Variants in RPF2 observed in about 807,000 individuals in gnomAD.
RPF2 encodes ribosome production factor 2 homolog, also known as brix domain containing 1.
In RPF2, 21 loss-of-function variants were observed where a neutral mutation model predicts 38.9. The observed-to-expected ratio is 0.54, with a 90% CI of 0.38 to 0.78. The LOEUF (loss-of-function observed/expected upper bound fraction) is 0.78. Among genes scored for constraint, RPF2 ranks in the 30% least tolerant of loss-of-function variants. The pLI, the probability that RPF2 is intolerant of heterozygous loss-of-function variation, is 0.00. For synonymous variants in RPF2, 121 were observed against 126.2 expected (o/e 0.96, Z 0.28); for missense variants, 314 against 358.1 (o/e 0.88, Z 0.99).
chr6:111,016,797 G>A (rs1049276417), intron 8 of RPF2, among the ~76,000 whole-genome samples: 4 of 149,796 alleles, frequency 2.7e-5, no homozygotes, highest in African/African-American at 9.9e-5. Flanking sequence ...AGTGAACAAA[G>A]GTCTCTGGTT....
chr6:111,010,380 C>A (rs1171454238), intron 7 of RPF2, among the ~76,000 whole-genome samples: 6 of 152,304 alleles, frequency 3.9e-5, no homozygotes, highest in African/African-American at 1.4e-4. Flanking sequence ...CCTGCCTCAG[C>A]TTTCCAAAGT....
chr6:111,025,326 T>C (rs868437356), intron 9 of RPF2, 77 bp from the exon 10 acceptor site: 1 of 950,428 alleles, frequency 1.1e-6, no homozygotes, highest in Middle Eastern at 2.8e-4. Context: ...GCTACTAAGA[T>C]AGTTGTTACA....
intron 6 of RPF2, among the ~76,000 whole-genome samples, chr6:111,001,692 C>A (rs145898055): frequency 5.7e-4 from 87 of 152,310 alleles, no homozygotes; most frequent in African/African-American, 2.0e-3. Context: ...ATGCACGAAT[C>A]TCTGGAGATG....
chr6:110,994,740 C>T (rs202052477), intron 4 of RPF2, among the ~76,000 whole-genome samples: 16,279 of 113,126 alleles, frequency 0.14, 2,003 homozygotes, highest in East Asian at 0.7. Context: ...TATATACACA[C>T]ACACACACAC....
rs1772299765 is a variant in RPF2, at chr6:111,025,071, T to C, written c.742-332T>C. On this transcript the variant is annotated intron_variant, in intron 9 of 9. Coordinates refer to ENST00000441448, the MANE Select transcript of RPF2 (RefSeq NM_032194.3). ...AAACAATAGTCACAACTTCTTAAGC[T>C]AAACACAGGCTATTTTCTTGATGTG... Among the ~76,000 whole-genome samples the C allele has an allele frequency of 2.0e-5, 3 of 152,370 alleles. No homozygotes were observed. In the South Asian group the frequency reaches 6.2e-4, roughly 32 times the overall value.
At chr6:110,996,823 A>G (rs1369640272) in intron 4 of RPF2, among the ~76,000 whole-genome samples, 1 of 151,982 alleles carries the variant, frequency 6.6e-6, no homozygotes, top group Non-Finnish European at 1.5e-5. Flanking sequence ...TTTTTTTTAG[A>G]CAGAGTCTTA....
At position 111,008,099 on chromosome 6, in the gene RPF2, T is replaced by G. The variant is rs775671273; in HGVS notation, c.455T>G (p.Val152Gly). Residue 152 changes from valine to glycine, a missense_variant, in exon 7 of 10, where the codon GTA becomes GGA. Transcript: ENST00000441448. Reference sequence around the variant, plus strand: ...ATATTTGCTGGCGATGATTTCGATGTAACAGAAGATTATAGAAGACTAAAA... The same window carrying G: ...ATATTTGCTGGCGATGATTTCGATGGAACAGAAGATTATAGAAGACTAAAA... ...MLIFAGDDFD[V>G]TEDYRRLKSL... is the part of the protein sequence containing the mutation. 6 of 1,605,464 alleles carry G rather than the reference T, an allele frequency of 3.7e-6. No individual in the cohort carries two copies. The highest frequency in any genetic ancestry group is 3.4e-6 in the Non-Finnish European group (4 of 1,176,308).
intron 6 of RPF2, among the ~76,000 whole-genome samples, chr6:111,003,882 G>C (rs373280144): frequency 1.3e-5 from 2 of 151,914 alleles, no homozygotes; most frequent in Non-Finnish European, 2.9e-5. Context: ...GCGTGATCTC[G>C]GCTCACTGCA....
At position 111,026,443 on chromosome 6, in the gene RPF2, C is replaced by G. The variant is rs1422602709; in HGVS notation, c.*861C>G. ...ACTCAAATTCCTGGGCTCAAGTGAT[C>G]CTCCCACTTCACCTTCCTGAGCAGC... On this transcript the variant is annotated 3_prime_UTR_variant, in exon 10 of 10. Transcript: ENST00000441448. 2 of 152,260 alleles carry G rather than the reference C, an allele frequency of 1.3e-5. No homozygotes were observed. Among genetic ancestry groups the G allele is most frequent in the African/African-American group, 4.8e-5 (2 of 41,416 alleles). 9.4% of individuals were successfully genotyped at this position (152,260 alleles called of 1,614,324 possible).
intron 9 of RPF2, among the ~76,000 whole-genome samples, chr6:111,024,630 G>A (rs1278515262): frequency 1.3e-5 from 2 of 150,900 alleles, no homozygotes; most frequent in Non-Finnish European, 2.9e-5. Context: ...GGAGAATGGC[G>A]TGAACCGGGG....
In RPF2 at chr6:110,983,204, A is replaced by AG. The variant is rs1269246732; in HGVS notation, c.23+1076dup. Among the ~76,000 whole-genome samples, 8 of 152,350 alleles carry AG rather than the reference A, an allele frequency of 5.3e-5. No homozygotes were observed. In the East Asian group the frequency reaches 1.5e-3, roughly 29 times the overall value. On this transcript the variant is annotated intron_variant, in intron 1 of 9. Transcript: ENST00000441448. Reference sequence around the variant, plus strand: ...GCAAGGTGCTCATTGTAGAGGAAGCAGAGGTGAAGCCCCTCTTTTGAACAG... The same window carrying AG: ...GCAAGGTGCTCATTGTAGAGGAAGCAGGAGGTGAAGCCCCTCTTTTGAACAG...
At chr6:111,022,097 C>A (rs1470966549) in intron 8 of RPF2, among the ~76,000 whole-genome samples, 1 of 152,144 alleles carries the variant, frequency 6.6e-6, no homozygotes, top group Non-Finnish European at 1.5e-5. Flanking sequence ...GAAACAAAAT[C>A]GTTAGTAATG....
chr6:111,020,154 G>A (rs750362666), intron 8 of RPF2, among the ~76,000 whole-genome samples: 1 of 152,034 alleles, frequency 6.6e-6, no homozygotes, highest in African/African-American at 2.4e-5. Context: ...TCCTGACCTC[G>A]TGATCTACCT....
In RPF2 at chr6:111,006,267, C is replaced by T. The variant is rs540418182; in HGVS notation, c.394-1771C>T. Among the ~76,000 whole-genome samples, 139 of 151,952 alleles carry T rather than the reference C, an allele frequency of 9.1e-4. 1 individual carries two copies. Among genetic ancestry groups the T allele is most frequent in the Admixed American group, 2.5e-3 (38 of 15,222 alleles). On this transcript the variant is annotated intron_variant, in intron 6 of 9. Coordinates refer to ENST00000441448, the MANE Select transcript of RPF2 (RefSeq NM_032194.3). The stretch of plus-strand genomic sequence containing the variant: ...TTTTTTTTTTATTGAGATGGCATCT[C>T]GCTCTCACCCAAGCTAGAGTGCAGT...
intron 7 of RPF2, among the ~76,000 whole-genome samples, chr6:111,011,685 C>A (rs1349992074): frequency 6.6e-6 from 1 of 152,130 alleles, no homozygotes; most frequent in Non-Finnish European, 1.5e-5. Flanking sequence ...TTTTCTCTTT[C>A]CCCTAGGTCT....
chr6:111,017,438 G>A (rs867043110), intron 8 of RPF2, among the ~76,000 whole-genome samples: 2 of 143,266 alleles, frequency 1.4e-5, no homozygotes, highest in Non-Finnish European at 3.1e-5. Context: ...CGGATGGGGG[G>A]GCTCCTCACT....
chr6:111,024,085 C>A, intron 8 of RPF2, 98 bp from the exon 9 acceptor site: 1 of 1,014,252 alleles, frequency 9.9e-7, no homozygotes, highest in Non-Finnish European at 1.4e-6. Flanking sequence ...CATTTTATAT[C>A]ATTTAATGGA....
intron 8 of RPF2, among the ~76,000 whole-genome samples, chr6:111,019,860 T>C (rs1043566303): frequency 1.3e-5 from 2 of 152,220 alleles, no homozygotes; most frequent in African/African-American, 4.8e-5. Context: ...ATTATACGTA[T>C]GCAAGTATTT....
intron 8 of RPF2, among the ~76,000 whole-genome samples, chr6:111,019,949 A>G (rs560413549): frequency 1.6e-4 from 24 of 147,528 alleles, no homozygotes; most frequent in Non-Finnish European, 2.8e-4. Flanking sequence ...GAGTCTCGCT[A>G]TGTTGCCCAG....
Sources: gnomAD v4.1 joint callset for allele counts (sites outside exome capture counted in the v4.1 genomes callset) on GRCh38, gnomAD v4.1.1 for gene constraint, MANE v1.5 for transcripts, NCBI Gene and HGNC (gene_info 2026-07-23, HGNC 2026-07-21) for gene names.